The following RGS6 variants were observed in gnomAD, a reference collection of about 807,000 sequenced individuals.
RGS6 encodes the protein regulator of G-protein signaling 6.
Under a neutral mutation model 78.5 loss-of-function variants are expected in RGS6, and 30 were observed. The ratio of observed to expected loss-of-function variants is 0.38; its 90% CI spans 0.29 to 0.52. RGS6 has a LOEUF of 0.52. Ranked by LOEUF, RGS6 falls within the 20% of genes least tolerant of loss-of-function variation. The pLI, the probability that RGS6 is intolerant of heterozygous loss-of-function variation, is 0.85. For missense variants in RGS6, 495 were observed against 609.7 expected (o/e 0.81, Z 1.98); for synonymous variants, 206 against 206.0 (o/e 1.00, Z 0.00).
Position 72,244,933 on chromosome 14 carries a change from T to G in RGS6, c.85-107162T>G, listed in dbSNP as rs559750465. ...TGCACCTCCTGGGTTCGAGTGATTC[T>G]CCTGCCTCAGCCTTCTGAGTAGCTG... On this transcript the variant is annotated intron_variant, in intron 2 of 17. Coordinates refer to ENST00000553525, the MANE Select transcript of RGS6 (RefSeq NM_001204424.2). Among the ~76,000 whole-genome samples the G allele has an allele frequency of 2.6e-5, 4 of 152,228 alleles. No individual in the cohort carries two copies. The East Asian group carries it at 7.7e-4, about 29-fold the overall frequency.
intron 2 of RGS6, among the ~76,000 whole-genome samples, chr14:72,289,949 C>T (rs938539599): frequency 6.6e-6 from 1 of 152,174 alleles, no homozygotes; most frequent in Non-Finnish European, 1.5e-5. Flanking sequence ...TTCCCTGTCA[C>T]TTCTCAGATT....
At chr14:71,917,303 G>C in the RGS6 span, among the ~76,000 whole-genome samples, 5 of 152,248 alleles carry the variant, frequency 3.3e-5, no homozygotes, top group Middle Eastern at 3.4e-3. Context: ...TGTTGGGATC[G>C]CATGGTACAC....
intron 2 of RGS6, among the ~76,000 whole-genome samples, chr14:72,112,375 TCTC>T (rs1413721106): frequency 1.3e-5 from 2 of 152,134 alleles, no homozygotes; most frequent in East Asian, 1.9e-4. Flanking sequence ...GTACCTGGCT[TCTC>T]CTCCAGGGAT....
chr14:72,546,265 C>T (rs765795784), intron 17 of RGS6, among the ~76,000 whole-genome samples: 11 of 152,198 alleles, frequency 7.2e-5, no homozygotes, highest in Non-Finnish European at 1.3e-4. Context: ...TTAGGAAAAG[C>T]ATATTTACTG....
At chr14:72,361,689 T>G (rs2152793466) in intron 3 of RGS6, among the ~76,000 whole-genome samples, 1 of 152,232 alleles carries the variant, frequency 6.6e-6, no homozygotes, top group South Asian at 2.1e-4. Flanking sequence ...AAATCACTAC[T>G]GGGGGAGTGT....
At chr14:72,254,422 C>T (rs1161368231) in intron 2 of RGS6, among the ~76,000 whole-genome samples, 1 of 152,122 alleles carries the variant, frequency 6.6e-6, no homozygotes, top group Non-Finnish European at 1.5e-5. Context: ...CTGTAGCTTC[C>T]TTTGCCTTAT....
At chr14:72,547,311 G>A (rs2097421734) in intron 17 of RGS6, 9 of 1,535,500 alleles carry the variant, frequency 5.9e-6, no homozygotes, top group Non-Finnish European at 7.0e-6. Context: ...GGTCCAGACT[G>A]GAAAGTTCAA....
At chr14:72,598,625 C>T in the RGS6 span, among the ~76,000 whole-genome samples, 1 of 152,192 alleles carries the variant, frequency 6.6e-6, no homozygotes, top group African/African-American at 2.4e-5. Context: ...AGCTTCCCAC[C>T]AAGCTGACAA....
intron 2 of RGS6, among the ~76,000 whole-genome samples, chr14:72,077,753 A>AT (rs1186742726): frequency 1.3e-5 from 2 of 152,042 alleles, no homozygotes; most frequent in Non-Finnish European, 1.5e-5. Context: ...TTCAATGATT[A>AT]TTTTTTCAAA....
At chr14:72,155,572 G>A (rs1378838952) in intron 2 of RGS6, among the ~76,000 whole-genome samples, 2 of 152,232 alleles carry the variant, frequency 1.3e-5, no homozygotes, top group African/African-American at 4.8e-5. Flanking sequence ...GAGCTGGGCT[G>A]TAGTGGAGGT....
At chr14:72,075,393 A>G (rs1467278687) in intron 2 of RGS6, among the ~76,000 whole-genome samples, 1 of 152,148 alleles carries the variant, frequency 6.6e-6, no homozygotes, top group Non-Finnish European at 1.5e-5. Flanking sequence ...GCATTTGACA[A>G]TTTTATGGTG....
rs115195522 is a variant in RGS6, at chr14:72,138,657, G to C, written c.84+173782G>C. Among the ~76,000 whole-genome samples the C allele has an allele frequency of 7.3e-3, 1,116 of 152,080 alleles. 9 individuals carry two copies. Among genetic ancestry groups the C allele is most frequent in the African/African-American group, 0.025 (1,051 of 41,480 alleles). ...AAGCAAAGCTTCATCTGTATTTACAGTGACTCCCCATCACTCATATTTCCA... is the reference window on the plus strand; with the variant it reads ...AAGCAAAGCTTCATCTGTATTTACACTGACTCCCCATCACTCATATTTCCA... On this transcript the variant is annotated intron_variant, in intron 2 of 17. Transcript: ENST00000553525.
At chr14:72,184,637 G>C (rs1432167718) in intron 2 of RGS6, among the ~76,000 whole-genome samples, 2 of 152,066 alleles carry the variant, frequency 1.3e-5, no homozygotes, top group Non-Finnish European at 2.9e-5. Flanking sequence ...CAGAAGGGGG[G>C]ACTTGGGCAT....
At chr14:72,545,189 C>T (rs935686428) in intron 17 of RGS6, among the ~76,000 whole-genome samples, 19 of 152,274 alleles carry the variant, frequency 1.2e-4, no homozygotes, top group Non-Finnish European at 1.3e-4. Flanking sequence ...TCCTTGGACT[C>T]CTTTGGGACC....
chr14:72,611,758 G>A, the RGS6 span, among the ~76,000 whole-genome samples: 16 of 152,262 alleles, frequency 1.1e-4, no homozygotes, highest in Non-Finnish European at 1.9e-4. Flanking sequence ...GCAGATTAAA[G>A]CAACTAGGCT....
At chr14:72,177,382 G>C (rs1483118604) in intron 2 of RGS6, among the ~76,000 whole-genome samples, 1 of 152,154 alleles carries the variant, frequency 6.6e-6, no homozygotes, top group Non-Finnish European at 1.5e-5. Flanking sequence ...ATGCTCTCTT[G>C]TGAGCAGGGT....
At chr14:72,149,407 C>T (rs1050959623) in intron 2 of RGS6, among the ~76,000 whole-genome samples, 3 of 152,030 alleles carry the variant, frequency 2.0e-5, no homozygotes, top group South Asian at 2.1e-4. Context: ...CACCACATGG[C>T]GGGGCAGAGA....
chr14:71,950,648 G>T (rs1014956688), intron 1 of RGS6, among the ~76,000 whole-genome samples: 4 of 152,198 alleles, frequency 2.6e-5, no homozygotes, highest in African/African-American at 9.6e-5. Flanking sequence ...GAATGGGAGA[G>T]AATTTTTGCA....
chr14:72,579,094 G>T, the RGS6 span, among the ~76,000 whole-genome samples: 1 of 152,126 alleles, frequency 6.6e-6, no homozygotes, highest in Non-Finnish European at 1.5e-5. Flanking sequence ...AAGTCAGTCA[G>T]TCAGTCAGTC....
Sources: gnomAD v4.1 joint callset for allele counts (sites outside exome capture counted in the v4.1 genomes callset) on GRCh38, gnomAD v4.1.1 for gene constraint, MANE v1.5 for transcripts, NCBI Gene and HGNC (gene_info 2026-07-23, HGNC 2026-07-21) for gene names.